Variants in NKAIN3 observed in about 807,000 individuals in gnomAD.
NKAIN3 encodes the protein sodium/potassium-transporting ATPase subunit beta-1-interacting protein 3.
NKAIN3 carries 25 observed loss-of-function variants against 30.2 expected under a neutral mutation model. The observed-to-expected ratio is 0.83, with a 90% CI of 0.60 to 1.16. The LOEUF is 1.16. NKAIN3 is among the 50% of genes most tolerant of loss of function. The pLI, the probability that NKAIN3 is intolerant of heterozygous loss-of-function variation, is 0.00. For synonymous variants in NKAIN3, 91 were observed against 89.6 expected, an observed-to-expected ratio of 1.02 and a Z score of -0.09; for missense variants, 225 against 254.1, an observed-to-expected ratio of 0.89 and a Z score of 0.78.
chr8:62,665,154 C>T (rs111680100), intron 3 of NKAIN3, among the ~76,000 whole-genome samples: 478 of 152,298 alleles, frequency 3.1e-3, no homozygotes, highest in Non-Finnish European at 4.8e-3. Flanking sequence ...AATTCACATG[C>T]ACATACACAT....
chr8:62,799,572 A>G (rs62512422), intron 4 of NKAIN3, among the ~76,000 whole-genome samples: 452 of 152,312 alleles, frequency 3.0e-3, no homozygotes, highest in Non-Finnish European at 5.6e-3. Context: ...TACAGTGAAA[A>G]GGGAAGACTT....
rs1192760163 is a variant in NKAIN3 at position 62,971,744 on chromosome 8, A to G, written c.*6337A>G. On this transcript the variant is annotated 3_prime_UTR_variant, in exon 7 of 7. Coordinates refer to ENST00000623646, the MANE Select transcript of NKAIN3 (RefSeq NM_001304533.3). ...AAACTAATTGACATGATTTCTTGGA[A>G]CAGTGTTTTCATTTGTAGTACTTTA... Among the ~76,000 whole-genome samples, 2 of 152,318 alleles carry G rather than the reference A, an allele frequency of 1.3e-5. No homozygotes were observed. Among genetic ancestry groups the G allele is most frequent in the East Asian group, 3.9e-4 (2 of 5,186 alleles).
At chr8:62,306,396 A>G (rs1037856144) in intron 1 of NKAIN3, among the ~76,000 whole-genome samples, 1 of 150,380 alleles carries the variant, frequency 6.6e-6, no homozygotes, top group Non-Finnish European at 1.5e-5. Flanking sequence ...AAGATAAACT[A>G]TTAAAGCAGA....
In NKAIN3 at chr8:62,975,355, T is replaced by C. The variant is rs555421988; in HGVS notation, c.*9948T>C. Among the ~76,000 whole-genome samples the C allele has an allele frequency of 1.3e-5, 2 of 152,324 alleles. No homozygotes were observed. Among genetic ancestry groups the C allele is most frequent in the Non-Finnish European group, 2.9e-5 (2 of 68,028 alleles). On this transcript the variant is annotated 3_prime_UTR_variant, in exon 7 of 7. Transcript: ENST00000623646. The stretch of plus-strand genomic sequence containing the variant: ...TCAATTTCAGAACTTGTTATTGGTC[T>C]ATTCAGGGATTCAACTTCTTCCTGG...
intron 1 of NKAIN3, among the ~76,000 whole-genome samples, chr8:62,271,015 C>T (rs1238751103): frequency 6.6e-6 from 1 of 152,122 alleles, no homozygotes; most frequent in African/African-American, 2.4e-5. Context: ...CTCATAAGAA[C>T]ATACATATTC....
chr8:62,358,572 T>C (rs1246470966), intron 1 of NKAIN3, among the ~76,000 whole-genome samples: 1 of 152,204 alleles, frequency 6.6e-6, no homozygotes, highest in East Asian at 1.9e-4. Context: ...TTGTAAGAGA[T>C]GGGCACTGCT....
chr8:62,917,812 C>A (rs1191402582), intron 4 of NKAIN3, among the ~76,000 whole-genome samples: 1 of 152,182 alleles, frequency 6.6e-6, no homozygotes, highest in Non-Finnish European at 1.5e-5. Context: ...AAATCGTCCT[C>A]TTAGCATCAT....
At chr8:62,884,573 T>C (rs1821088471) in intron 4 of NKAIN3, among the ~76,000 whole-genome samples, 1 of 152,228 alleles carries the variant, frequency 6.6e-6, no homozygotes, top group Non-Finnish European at 1.5e-5. Context: ...ATTTATATCA[T>C]TTCTTCCTTA....
At position 62,971,620 on chromosome 8, in the gene NKAIN3, C is replaced by T. The variant is rs1364084348; in HGVS notation, c.*6213C>T. 6.9e-6 allele frequency among the ~76,000 whole-genome samples: 1 copy of T among 144,878 alleles called. No individual in the cohort carries two copies. The highest frequency in any genetic ancestry group is 2.5e-5 in the African/African-American group (1 of 39,772). On this transcript the variant is annotated 3_prime_UTR_variant, in exon 7 of 7. Transcript: ENST00000623646. ...TGCACTCCAACCTGGGAGATGGAGC[C>T]AAACCTTGTCTCAAAAAAAAAGCGG...
chr8:62,866,791 A>G (rs977866403), intron 4 of NKAIN3, among the ~76,000 whole-genome samples: 1 of 151,862 alleles, frequency 6.6e-6, no homozygotes, highest in East Asian at 1.9e-4. Context: ...TCACGCCTCT[A>G]ATCCCAGCAC....
At chr8:62,656,662 C>A (rs369640920) in intron 3 of NKAIN3, among the ~76,000 whole-genome samples, 3 of 152,180 alleles carry the variant, frequency 2.0e-5, no homozygotes, top group East Asian at 1.9e-4. Flanking sequence ...TTGCGAATTG[C>A]GATAAGAGTG....
chr8:62,368,180 C>T (rs1382008846), intron 1 of NKAIN3, among the ~76,000 whole-genome samples: 2 of 152,060 alleles, frequency 1.3e-5, no homozygotes, highest in African/African-American at 4.8e-5. Context: ...CAATTGCTGT[C>T]AAAATCCCAA....
intron 1 of NKAIN3, among the ~76,000 whole-genome samples, chr8:62,421,741 C>T (rs1804648315): frequency 6.6e-6 from 1 of 151,928 alleles, no homozygotes; most frequent in African/African-American, 2.4e-5. Flanking sequence ...GTATTAAATG[C>T]TTGTAGCATG....
At chr8:62,825,115 C>T (rs1033903827) in intron 4 of NKAIN3, among the ~76,000 whole-genome samples, 3 of 152,128 alleles carry the variant, frequency 2.0e-5, no homozygotes, top group African/African-American at 7.2e-5. Flanking sequence ...CACCCATTGC[C>T]TTACACTATC....
chr8:62,554,414 T>C (rs1178384467), intron 1 of NKAIN3, among the ~76,000 whole-genome samples: 2 of 152,074 alleles, frequency 1.3e-5, no homozygotes, highest in Non-Finnish European at 2.9e-5. Context: ...CCCAAACAAC[T>C]ACAACTTCAA....
intron 3 of NKAIN3, among the ~76,000 whole-genome samples, chr8:62,667,616 AT>A (rs1204801185): frequency 6.6e-6 from 1 of 151,812 alleles, no homozygotes; most frequent in Non-Finnish European, 1.5e-5. Flanking sequence ...AGCCATCCTC[AT>A]TACTCATCTG....
chr8:62,950,873 G>A (rs1046690392), intron 5 of NKAIN3, among the ~76,000 whole-genome samples: 6 of 149,706 alleles, frequency 4.0e-5, no homozygotes, highest in Non-Finnish European at 5.9e-5. Flanking sequence ...GAATGGCCAC[G>A]TAGACAACTC....
intron 3 of NKAIN3, among the ~76,000 whole-genome samples, chr8:62,729,819 T>C (rs868105621): frequency 4.6e-5 from 7 of 152,222 alleles, no homozygotes; most frequent in Admixed American, 6.5e-5. Flanking sequence ...TTTAGATGGC[T>C]TCCAATCTAA....
intron 3 of NKAIN3, among the ~76,000 whole-genome samples, chr8:62,642,061 C>T (rs1340480154): frequency 6.6e-6 from 1 of 151,884 alleles, no homozygotes; most frequent in Non-Finnish European, 1.5e-5. Context: ...CACTGCACTC[C>T]TGGGAAAAAT....
Sources: allele counts gnomAD v4.1 joint callset (sites outside exome capture counted in the v4.1 genomes callset), GRCh38; gene constraint gnomAD v4.1.1; transcripts MANE v1.5; gene names NCBI Gene and HGNC (gene_info 2026-07-23, HGNC 2026-07-21).